FANCI: variants seen among roughly 807,000 people sequenced by gnomAD.
FANCI encodes Fanconi anemia group I protein.
A neutral mutation model predicts 176.1 loss-of-function variants in FANCI; 156 were observed. The ratio of observed to expected loss-of-function variants is 0.89; its 90% CI spans 0.78 to 1.01. The LOEUF (loss-of-function observed/expected upper bound fraction) is 1.01. FANCI is among the 50% of genes least tolerant of loss of function. FANCI has a pLI of 0.00. For synonymous variants in FANCI, 613 were observed against 541.7 expected (o/e 1.13, Z -1.83); for missense variants, 1,678 against 1,534.1 (o/e 1.09, Z -1.57).
chr15:89,308,156 T>C (rs2151945244), intron 34 of FANCI: 1 of 1,051,388 alleles, frequency 9.5e-7, no homozygotes, highest in East Asian at 7.8e-5. Context: ...CTTTACTGTT[T>C]GCTTAAACCA....
intron 34 of FANCI, among the ~76,000 whole-genome samples, chr15:89,312,465 C>CAGAT (rs778447467): frequency 2.3e-4 from 35 of 152,350 alleles, no homozygotes; most frequent in Admixed American, 9.1e-4. Context: ...ATCTGTTGCA[C>CAGAT]AGATAGTCCT....
At position 89,297,620 on chromosome 15, in the gene FANCI, G is replaced by A. The variant is rs113383781; in HGVS notation, c.2637-2180G>A. Among the ~76,000 whole-genome samples, 95 of 152,250 alleles carry A rather than the reference G, an allele frequency of 6.2e-4. 2 individuals are homozygous for A. Among genetic ancestry groups the A allele is most frequent in the African/African-American group, 2.2e-3 (93 of 41,546 alleles). On this transcript the variant is annotated intron_variant, in intron 24 of 37. Transcript: ENST00000310775. Reference sequence around the variant, plus strand: ...TCAAAAAAATACGAAAACCAGTCAGGTGTGGCGGCAATTGCAGGCACTCGG... The same window carrying A: ...TCAAAAAAATACGAAAACCAGTCAGATGTGGCGGCAATTGCAGGCACTCGG...
At chr15:89,290,317 C>T in intron 19 of FANCI, 36 bp downstream of exon 19, 1 of 1,493,074 alleles carries the variant, frequency 6.7e-7, no homozygotes, top group Non-Finnish European at 9.3e-7. Context: ...GGAAAACAGA[C>T]CATCAAGGAT....
At chr15:89,316,371 A>G (rs2055261076) in intron 37 of FANCI, 26 bp from the exon 38 acceptor site, 2 of 1,603,086 alleles carry the variant, frequency 1.2e-6, no homozygotes, top group African/African-American at 2.7e-5. Flanking sequence ...TTATCACGTT[A>G]GAGCATTAAT....
intron 36 of FANCI, 142 bp downstream of exon 36, chr15:89,314,849 C>CAT: frequency 5.0e-6 from 2 of 397,366 alleles, no homozygotes; most frequent in African/African-American, 3.1e-5. Context: ...CCCCCCCCCC[C>CAT]TTTTTTTTTT....
rs1170895183 is a variant in FANCI at position 89,307,576 on chromosome 15, G to A, written c.3592-37G>A. The A allele has an allele frequency of 2.5e-6, 4 of 1,614,196 alleles. No homozygotes were observed. The South Asian group carries it at 4.4e-5, about 18-fold the overall frequency. On this transcript the variant is annotated intron_variant, in intron 33 of 37. Coordinates refer to ENST00000310775, the MANE Select transcript of FANCI (RefSeq NM_001113378.2). The stretch of plus-strand genomic sequence containing the variant: ...TAGGAATGGGGGAAGCACTTTTACT[G>A]CTGGTTACATTGGTTTCCTTCTCCC...
At chr15:89,281,139 G>T in intron 14 of FANCI, 31 bp from the exon 15 acceptor site, 2 of 1,607,246 alleles carry the variant, frequency 1.2e-6, no homozygotes, top group South Asian at 2.2e-5. Context: ...TTAGTTATTT[G>T]AGACAACTGA....
In FANCI at chr15:89,293,860, C is replaced by T; in HGVS notation, c.2319C>T (p.Ser773=). 1 of 1,613,998 alleles carries T rather than the reference C, an allele frequency of 6.2e-7. No homozygotes were observed. Among genetic ancestry groups the T allele is most frequent in the Non-Finnish European group, 8.5e-7 (1 of 1,179,984 alleles). ...FSKNRFEDIL[S]LFMCYKKLSD... is the part of the protein sequence containing the mutation. Reference sequence around the variant, plus strand: ...AGAATAGGTTTGAGGACATTCTGAGCTTATTTATGTGTTACAAAAAACTCT... The same window carrying T: ...AGAATAGGTTTGAGGACATTCTGAGTTTATTTATGTGTTACAAAAAACTCT... The change falls in exon 23 of 38, where the codon AGC becomes AGT. Residue 773 remains serine, a synonymous_variant. Transcript: ENST00000310775.
Position 89,283,162 on chromosome 15 carries a change from T to C in FANCI, c.1610T>C (p.Val537Ala). 1 of 1,614,040 alleles carries C rather than the reference T, an allele frequency of 6.2e-7. No homozygotes were observed. The highest frequency in any genetic ancestry group is 8.5e-7 in the Non-Finnish European group (1 of 1,179,946). ...CAGCTTGATGCCCGAAAATCTGCAG[T>C]TGCTGGGTTTTTGCTGCTCCTGAAG... ...ANQLDARKSA[V>A]AGFLLLLKNF... Residue 537 changes from valine to alanine, a missense_variant, in exon 17 of 38, where the codon GTT (valine) becomes GCT (alanine). Physicochemically the swap from Val to Ala is moderately conservative, Grantham distance 64. Around this residue, in one of 3 missense-constraint regions of FANCI, gnomAD observed 1,204 missense variants for 1,077.4 expected, o/e 1.12. Transcript: ENST00000310775.
chr15:89,260,202 A>G (rs1305420596), intron 3 of FANCI, among the ~76,000 whole-genome samples: 1 of 152,120 alleles, frequency 6.6e-6, no homozygotes, highest in Non-Finnish European at 1.5e-5. Context: ...AATTAACTTT[A>G]ATGATATGTT....
chr15:89,264,659 A>C, intron 9 of FANCI, 52 bp downstream of exon 9: 62 of 1,509,684 alleles, frequency 4.1e-5, no homozygotes, highest in Non-Finnish European at 5.1e-5. Context: ...TCATCTTCTC[A>C]TTGTGTATTT....
Position 89,313,094 on chromosome 15 carries a change from A to G in FANCI, c.3720+122A>G, listed in dbSNP as rs190828084. The stretch of plus-strand genomic sequence containing the variant: ...ATTCCATTTTCATGAAGTGCCCAGA[A>G]TAAATCATCTAAAAAGGCAAACTAG... On this transcript the variant is annotated intron_variant, in intron 35 of 37. Coordinates refer to ENST00000310775, the MANE Select transcript of FANCI (RefSeq NM_001113378.2). 787 of 989,780 alleles carry G rather than the reference A, an allele frequency of 8.0e-4. 1 individual carries two copies. Among genetic ancestry groups the G allele is most frequent in the Middle Eastern group, 5.4e-3 (26 of 4,844 alleles). 61.3% of individuals were successfully genotyped at this position (989,780 alleles called of 1,614,324 possible). A position where few individuals can be genotyped will look rare whatever the true frequency, so the allele number is the denominator to read the frequency against.
intron 27 of FANCI, among the ~76,000 whole-genome samples, 159 bp from the exon 28 acceptor site, chr15:89,303,705 T>C (rs989889973): frequency 2.6e-5 from 4 of 152,212 alleles, no homozygotes; most frequent in Non-Finnish European, 5.9e-5. Flanking sequence ...TTTGGACTTA[T>C]TTTTATGCCC....
rs377630829 is a variant in FANCI at position 89,306,057 on chromosome 15, A to G, written c.3400A>G (p.Ile1134Val). 27 of 1,614,226 alleles carry G rather than the reference A, an allele frequency of 1.7e-5. No homozygotes were observed. The East Asian group carries it at 1.8e-4, about 11-fold the overall frequency. ...TLPNQPVEKA[I>V]IMQLGTLLTF... ...ACCAAATCAGCCTGTTGAGAAAGCT[A>G]TCATCATGCAACTGGGAACTCTGCT... Residue 1134 changes from isoleucine (I) to valine (V), a missense_variant, in exon 32 of 38, where the codon ATC becomes GTC. By Grantham distance (29) the Ile-to-Val change is conservative. Around this residue, in one of 3 missense-constraint regions of FANCI, gnomAD observed 1,204 missense variants for 1,077.4 expected, o/e 1.12. Coordinates refer to ENST00000310775, the MANE Select transcript of FANCI (RefSeq NM_001113378.2).
intron 17 of FANCI, 105 bp from the exon 18 acceptor site, chr15:89,284,991 T>C (rs2053759903): frequency 1.5e-6 from 2 of 1,368,562 alleles, no homozygotes; most frequent in South Asian, 1.2e-5. Flanking sequence ...GGGTTTGGCA[T>C]GTGGAGGAAG....
At chr15:89,256,941 C>G (rs1211837661) in intron 2 of FANCI, among the ~76,000 whole-genome samples, 2 of 152,150 alleles carry the variant, frequency 1.3e-5, no homozygotes, top group Admixed American at 1.3e-4. Flanking sequence ...GAGTCTCGCT[C>G]TGTCACCCAG....
chr15:89,308,834 T>A (rs2054832994), intron 34 of FANCI, among the ~76,000 whole-genome samples: 1 of 151,850 alleles, frequency 6.6e-6, no homozygotes, highest in South Asian at 2.1e-4. Flanking sequence ...TAATCCCAGC[T>A]ACTTGGGAGG....
At chr15:89,268,664 T>G (rs1332724289) in intron 10 of FANCI, 139 bp downstream of exon 10, 13 of 1,007,208 alleles carry the variant, frequency 1.3e-5, no homozygotes, top group African/African-American at 1.7e-5. Context: ...TTTTTTTTTT[T>G]ACTTTAAAAG....
At position 89,260,927 on chromosome 15, in the gene FANCI, C is replaced by A; in HGVS notation, c.288+84C>A. ...TTGAGGGAAGGAAAACTTAAGTGCC[C>A]AACCTAGCATAGTCCTTATTTATGA... On this transcript the variant is annotated intron_variant, in intron 4 of 37. Transcript: ENST00000310775. The A allele has an allele frequency of 2.0e-6, 3 of 1,512,566 alleles. No homozygotes were observed. The Admixed American group carries it at 5.1e-5, about 26-fold the overall frequency. 93.7% of individuals were successfully genotyped at this position (1,512,566 alleles called of 1,614,324 possible).
Sources: gnomAD v4.1 joint callset for allele counts (sites outside exome capture counted in the v4.1 genomes callset) on GRCh38, gnomAD v4.1.1 for gene constraint, gnomAD v4.1.1 regional missense constraint, MANE v1.5 for transcripts, NCBI Gene and HGNC (gene_info 2026-07-23, HGNC 2026-07-21) for gene names.